LPCAT1: variants seen among roughly 807,000 people sequenced by gnomAD.
The protein encoded by LPCAT1 is lysophosphatidylcholine acyltransferase 1.
A neutral mutation model predicts 60.9 loss-of-function variants in LPCAT1; 23 were observed. That is an observed-to-expected ratio of 0.38 (90% CI 0.27 to 0.53). LPCAT1 has a LOEUF of 0.53. Among genes scored for constraint, LPCAT1 ranks in the 20% least tolerant of loss-of-function variants. LPCAT1 has a pLI of 0.82. For missense variants in LPCAT1, 622 were observed against 723.6 expected (o/e 0.86, Z 1.61); for synonymous variants, 340 against 301.1 (o/e 1.13, Z -1.34).
chr5:1,511,854 T>C (rs1399939838), intron 1 of LPCAT1, among the ~76,000 whole-genome samples: 3 of 152,200 alleles, frequency 2.0e-5, no homozygotes, highest in African/African-American at 4.8e-5. Context: ...TGCTCCCAGA[T>C]GGTGGCACCC....
Position 1,465,494 on chromosome 5 carries a change from G to A in LPCAT1, c.1420+1255C>T, listed in dbSNP as rs114420941. Among the ~76,000 whole-genome samples, 571 of 145,112 alleles carry A rather than the reference G, an allele frequency of 3.9e-3. 5 individuals carry two copies. The highest frequency in any genetic ancestry group is 0.013 in the African/African-American group (504 of 38,776). On this transcript the variant is annotated intron_variant, in intron 13 of 13. Coordinates refer to ENST00000283415, the MANE Select transcript of LPCAT1 (RefSeq NM_024830.5). ...ATGCACACACAAAACAAGCGCATGC[G>A]CACACAGTAAACACGTGTGCACACA... is the stretch of plus-strand genomic sequence containing the variant.
At chr5:1,474,323 C>A (rs916186213) in intron 10 of LPCAT1, among the ~76,000 whole-genome samples, 1 of 152,206 alleles carries the variant, frequency 6.6e-6, no homozygotes, top group Non-Finnish European at 1.5e-5. Context: ...CGTTCCCTTC[C>A]CAGGGCAGAT....
intron 11 of LPCAT1, among the ~76,000 whole-genome samples, chr5:1,473,061 C>A (rs1734752633): frequency 6.6e-6 from 1 of 152,096 alleles, no homozygotes; most frequent in African/African-American, 2.4e-5. Flanking sequence ...TCCTGCTCCT[C>A]CTGCTCTCTG....
chr5:1,465,037 A>AAC (rs1734295447), intron 13 of LPCAT1, among the ~76,000 whole-genome samples: 2 of 138,584 alleles, frequency 1.4e-5, no homozygotes, highest in African/African-American at 5.5e-5. Context: ...CAGGCACACT[A>AAC]AACACACATG....
chr5:1,487,829 C>T lies in LPCAT1; in HGVS notation c.667+562G>A, dbSNP rs1379745164. On this transcript the variant is annotated intron_variant, in intron 5 of 13. Transcript: ENST00000283415. The surrounding 1 kb of genome is among the most constrained non-coding windows in gnomAD (Gnocchi z 6.1). ...GACTCAGCGCAAAAAGAACAGTGGA[C>T]TCTGCTGCCTGCTCACTGCCACACT... 1.3e-5 allele frequency among the ~76,000 whole-genome samples: 2 copies of T among 152,176 alleles called. No individual in the cohort carries two copies. The highest frequency in any genetic ancestry group is 2.9e-5 in the Non-Finnish European group (2 of 68,042).
At chr5:1,474,313 C>T (rs952927611) in intron 10 of LPCAT1, among the ~76,000 whole-genome samples, 1 of 152,234 alleles carries the variant, frequency 6.6e-6, no homozygotes, top group East Asian at 1.9e-4. Flanking sequence ...CCCTGAGACC[C>T]GTTCCCTTCC....
chr5:1,500,400 T>C (rs796385538), intron 2 of LPCAT1, among the ~76,000 whole-genome samples: 13 of 152,406 alleles, frequency 8.5e-5, no homozygotes, highest in African/African-American at 3.1e-4. Flanking sequence ...AGTTTAATTT[T>C]TTGTGGTCTG....
At chr5:1,501,632 G>C in intron 1 of LPCAT1, 29 bp from the exon 2 acceptor site, 1 of 1,612,140 alleles carries the variant, frequency 6.2e-7, no homozygotes, top group Non-Finnish European at 8.5e-7. Flanking sequence ...ATTATCCAGA[G>C]AATCCATGTA....
Position 1,470,991 on chromosome 5 carries a change from C to A in LPCAT1, c.1180-67G>T. The stretch of plus-strand genomic sequence containing the variant: ...GGCACTGGAGAAACGCCAGGGTTTC[C>A]CATGGGTGCTGGTGTTAATTAAAGG... On this transcript the variant is annotated intron_variant, in intron 11 of 13. Coordinates refer to ENST00000283415, the MANE Select transcript of LPCAT1 (RefSeq NM_024830.5). 8 of 1,362,884 alleles carry A rather than the reference C, an allele frequency of 5.9e-6. No individual in the cohort carries two copies. The South Asian group carries it at 9.7e-5, about 17-fold the overall frequency. 84.4% of individuals were successfully genotyped at this position (1,362,884 alleles called of 1,614,324 possible). A position where few individuals can be genotyped will look rare whatever the true frequency, so the allele number is the denominator to read the frequency against.
At position 1,476,862 on chromosome 5, in the gene LPCAT1, C is replaced by T. The variant is rs758907878; in HGVS notation, c.899+542G>A. On this transcript the variant is annotated intron_variant, in intron 9 of 13. Coordinates refer to ENST00000283415, the MANE Select transcript of LPCAT1 (RefSeq NM_024830.5). This position sits in a 1 kb window ranked among gnomAD's most constrained non-coding sequence, Gnocchi z 8.6. ...AGGGAGAGGGGGAGGGCGTGTGAGC[C>T]GACAGCACTGCCGGCCATGCAAGCA... Among the ~76,000 whole-genome samples, 4 of 151,750 alleles carry T rather than the reference C, an allele frequency of 2.6e-5. No individual in the cohort carries two copies. The highest frequency in any genetic ancestry group is 5.9e-5 in the Non-Finnish European group (4 of 67,962).
chr5:1,465,024 GC>G (rs2126462568), intron 13 of LPCAT1, among the ~76,000 whole-genome samples: 1 of 117,646 alleles, frequency 8.5e-6, no homozygotes, highest in East Asian at 2.2e-4. Flanking sequence ...CACAAAACAA[GC>G]GCAGGCACAC....
chr5:1,474,721 C>T (rs200512727), intron 9 of LPCAT1, 36 bp from the exon 10 acceptor site: 279 of 1,595,058 alleles, frequency 1.7e-4, no homozygotes, highest in Non-Finnish European at 2.2e-4. Flanking sequence ...AGCCCAGCCT[C>T]GTGGCAGCCA....
At chr5:1,517,013 G>C (rs1736524477) in intron 1 of LPCAT1, among the ~76,000 whole-genome samples, 1 of 152,208 alleles carries the variant, frequency 6.6e-6, no homozygotes, top group South Asian at 2.1e-4. Flanking sequence ...AAATGACGTG[G>C]GTTTCACAGG....
chr5:1,469,494 G>A (rs1412930874), intron 12 of LPCAT1, among the ~76,000 whole-genome samples: 1 of 152,386 alleles, frequency 6.6e-6, no homozygotes, highest in Non-Finnish European at 1.5e-5. Context: ...GGGGCCAGCA[G>A]AACGGGGGGC....
intron 1 of LPCAT1, among the ~76,000 whole-genome samples, chr5:1,501,961 T>A (rs1401980615): frequency 1.3e-5 from 2 of 151,998 alleles, no homozygotes; most frequent in Admixed American, 6.5e-5. Flanking sequence ...TGACCGGCAC[T>A]GACCAAGGCT....
chr5:1,476,733 G>A lies in LPCAT1; in HGVS notation c.899+671C>T, dbSNP rs1425403216. Among the ~76,000 whole-genome samples, 1 of 152,096 alleles carries A rather than the reference G, an allele frequency of 6.6e-6. No homozygotes were observed. Among genetic ancestry groups the A allele is most frequent in the African/African-American group, 2.4e-5 (1 of 41,414 alleles). ...TTCACGTGGGGGTAAATCCAGGTGG[G>A]AGGACCTGGTTGCAAGGACAAGTGT... On this transcript the variant is annotated intron_variant, in intron 9 of 13. Transcript: ENST00000283415. The surrounding 1 kb of genome is among the most constrained non-coding windows in gnomAD (Gnocchi z 8.6).
In LPCAT1 at chr5:1,477,785, G is replaced by A. The variant is rs2911490; in HGVS notation, c.817-299C>T. The stretch of plus-strand genomic sequence containing the variant: ...CACCCCCGTCAGTGCTCCTGGGAGC[G>A]CCTGCTGCCTACATCAGAACATCTG... On this transcript the variant is annotated intron_variant, in intron 8 of 13. Coordinates refer to ENST00000283415, the MANE Select transcript of LPCAT1 (RefSeq NM_024830.5). The surrounding 1 kb of genome is among the most constrained non-coding windows in gnomAD (Gnocchi z 6.0). Among the ~76,000 whole-genome samples the A allele has an allele frequency of 2.6e-5, 3 of 115,614 alleles. No individual in the cohort carries two copies. The highest frequency in any genetic ancestry group is 3.2e-4 in the South Asian group (1 of 3,118). 75.8% of individuals were successfully genotyped at this position (115,614 alleles called of 152,430 possible).
chr5:1,496,528 G>A lies in LPCAT1; in HGVS notation c.279-1614C>T, dbSNP rs766075968. 2.6e-5 allele frequency among the ~76,000 whole-genome samples: 4 copies of A among 152,038 alleles called. No homozygotes were observed. Among genetic ancestry groups the A allele is most frequent in the Non-Finnish European group, 4.4e-5 (3 of 67,982 alleles). ...GAAGCGAGGCTGCAGAGGAGGCTGC[G>A]GCGGGCACAGGAGCCAGTCTCGGGC... is the stretch of plus-strand genomic sequence containing the variant. On this transcript the variant is annotated intron_variant, in intron 2 of 13. Coordinates refer to ENST00000283415, the MANE Select transcript of LPCAT1 (RefSeq NM_024830.5). This position sits in a 1 kb window ranked among gnomAD's most constrained non-coding sequence, Gnocchi z 4.7.
intron 13 of LPCAT1, among the ~76,000 whole-genome samples, chr5:1,466,311 C>T (rs577604044): frequency 2.0e-5 from 3 of 152,324 alleles, no homozygotes; most frequent in South Asian, 4.1e-4. Context: ...TCGCCCTGGG[C>T]GGCACGGGGG....
Sources: gnomAD v4.1 joint callset for allele counts (sites outside exome capture counted in the v4.1 genomes callset) on GRCh38, gnomAD v4.1.1 for gene constraint, Gnocchi (gnomAD v3.1) non-coding constraint, MANE v1.5 for transcripts, NCBI Gene and HGNC (gene_info 2026-07-23, HGNC 2026-07-21) for gene names.